The following AKAP13 variants were observed in gnomAD, a reference collection of about 807,000 sequenced individuals.
AKAP13 encodes A-kinase anchor protein 13.
In AKAP13, 80 loss-of-function variants were observed where a neutral mutation model predicts 264.5. The ratio of observed to expected loss-of-function variants is 0.30; its 90% CI spans 0.25 to 0.36. The LOEUF (loss-of-function observed/expected upper bound fraction) is 0.36. Among genes scored for constraint, AKAP13 ranks in the 10% least tolerant of loss-of-function variants. The pLI, the probability that AKAP13 is intolerant of heterozygous loss-of-function variation, is 1.00. For missense variants in AKAP13, 3,712 were observed against 3,435.2 expected (o/e 1.08, Z -2.01); for synonymous variants, 1,380 against 1,250.2 (o/e 1.10, Z -2.19).
At position 85,447,552 on chromosome 15, in the gene AKAP13, G is replaced by T. The variant is rs554479025; in HGVS notation, c.-11-38158G>T. Among the ~76,000 whole-genome samples, 74 of 151,690 alleles carry T rather than the reference G, an allele frequency of 4.9e-4. No individual in the cohort carries two copies. The East Asian group carries it at 0.013, about 27-fold the overall frequency. On this transcript the variant is annotated intron_variant, in intron 1 of 36. Transcript: ENST00000394518. ...CACCCCCAAATAGACCCCAGTGTCT[G>T]TTGTTTCCTTCTTTGTGTTAGTAAG...
At chr15:85,697,911 C>T (rs1451495636) in intron 17 of AKAP13, among the ~76,000 whole-genome samples, 1 of 152,140 alleles carries the variant, frequency 6.6e-6, no homozygotes. Context: ...AGTCAATCAA[C>T]AAAGTTCATT....
chr15:85,639,571 A>T, intron 9 of AKAP13, 122 bp downstream of exon 9: 1 of 744,116 alleles, frequency 1.3e-6, no homozygotes, highest in Admixed American at 2.4e-5. Context: ...GATGTATGTG[A>T]TCTGGGTTTG....
At position 85,743,781 on chromosome 15, in the gene AKAP13, A is replaced by AG. The variant is rs770184607; in HGVS notation, c.8350dup (p.Glu2784GlyfsTer15). The AG allele has an allele frequency of 6.2e-7, 1 of 1,612,798 alleles. No individual in the cohort carries two copies. Among genetic ancestry groups the AG allele is most frequent in the South Asian group, 1.1e-5 (1 of 91,022 alleles). On this transcript the variant is annotated frameshift_variant, in exon 36 of 37. Transcript: ENST00000394518. LOFTEE classifies it high-confidence loss of function. ...GGGTTAACAAAGCCAAAGGAAAAGAAGGAGAAAAAAAAGAAGAACAAAACC... is the reference window on the plus strand; with the variant it reads ...GGGTTAACAAAGCCAAAGGAAAAGAAGGGAGAAAAAAAAGAAGAACAAAACC...
intron 12 of AKAP13, among the ~76,000 whole-genome samples, chr15:85,659,349 C>A (rs2083234965): frequency 6.6e-6 from 1 of 152,100 alleles, no homozygotes; most frequent in African/African-American, 2.4e-5. Flanking sequence ...TCTCAGGAGG[C>A]ATTTGTAAAG....
At chr15:85,425,752 A>ACTTAATTATC (rs1375380819) in intron 1 of AKAP13, among the ~76,000 whole-genome samples, 18 of 150,752 alleles carry the variant, frequency 1.2e-4, no homozygotes, top group Admixed American at 1.1e-3. Flanking sequence ...CTCAGTTAGG[A>ACTTAATTATC]CTTAATTATC....
chr15:85,459,757 C>T (rs1187075876), intron 1 of AKAP13, among the ~76,000 whole-genome samples: 1 of 152,164 alleles, frequency 6.6e-6, no homozygotes, highest in Non-Finnish European at 1.5e-5. Flanking sequence ...CCTCAGCCTC[C>T]CAAAGTGCTG....
chr15:85,582,270 A>T (rs753709407), intron 7 of AKAP13, among the ~76,000 whole-genome samples, 163 bp downstream of exon 7: 1 of 152,152 alleles, frequency 6.6e-6, no homozygotes, highest in African/African-American at 2.4e-5. Flanking sequence ...GGGGCACGTC[A>T]TCTCAGGGTT....
chr15:85,492,303 G>GC (rs2075752918), intron 2 of AKAP13, among the ~76,000 whole-genome samples: 1 of 152,192 alleles, frequency 6.6e-6, no homozygotes, highest in African/African-American at 2.4e-5. Context: ...GATCGCTTGA[G>GC]CCCACGAGTT....
At chr15:85,550,338 C>T (rs1244263428) in intron 5 of AKAP13, among the ~76,000 whole-genome samples, 1 of 152,184 alleles carries the variant, frequency 6.6e-6, no homozygotes, top group Non-Finnish European at 1.5e-5. Context: ...ATTGAGGGGA[C>T]ACATGTGAAT....
intron 5 of AKAP13, among the ~76,000 whole-genome samples, chr15:85,559,673 C>T (rs919915076): frequency 7.7e-6 from 1 of 129,322 alleles, no homozygotes; most frequent in African/African-American, 2.9e-5. Flanking sequence ...CGATAGGGTT[C>T]ACGCTCCTGT....
At chr15:85,635,402 A>G (rs946656138) in intron 8 of AKAP13, among the ~76,000 whole-genome samples, 1 of 152,170 alleles carries the variant, frequency 6.6e-6, no homozygotes, top group Non-Finnish European at 1.5e-5. Context: ...CCATTTAAAA[A>G]ATCATGTTGC....
intron 5 of AKAP13, among the ~76,000 whole-genome samples, chr15:85,564,055 C>G (rs2078515011): frequency 6.6e-6 from 1 of 152,132 alleles, no homozygotes; most frequent in Non-Finnish European, 1.5e-5. Flanking sequence ...AATACTACCA[C>G]TTTGAAGGAC....
chr15:85,695,328 T>G (rs28502344), intron 17 of AKAP13, among the ~76,000 whole-genome samples: 33,546 of 152,038 alleles, frequency 0.22, 3,845 homozygotes, highest in East Asian at 0.35. Context: ...TGCTTGAACT[T>G]GGGAAGGGGA....
intron 26 of AKAP13, 62 bp from the exon 27 acceptor site, chr15:85,726,348 A>G: frequency 7.1e-7 from 1 of 1,405,704 alleles, no homozygotes; most frequent in East Asian, 2.3e-5. Context: ...AAACCTTCTG[A>G]CTGTGGGTAA....
At chr15:85,526,509 G>A (rs987231215) in intron 3 of AKAP13, among the ~76,000 whole-genome samples, 2 of 152,128 alleles carry the variant, frequency 1.3e-5, no homozygotes, top group East Asian at 1.9e-4. Flanking sequence ...TGGTCTAAGT[G>A]ATCCTTCTGC....
chr15:85,610,664 T>C (rs1273013360), intron 8 of AKAP13, among the ~76,000 whole-genome samples: 1 of 152,248 alleles, frequency 6.6e-6, no homozygotes, highest in African/African-American at 2.4e-5. Flanking sequence ...GAGAAAACTC[T>C]GAAGAGTTAG....
chr15:85,404,604 T>G (rs1465680809), intron 1 of AKAP13, among the ~76,000 whole-genome samples: 2 of 152,234 alleles, frequency 1.3e-5, no homozygotes, highest in African/African-American at 4.8e-5. Flanking sequence ...TAAACCCTGC[T>G]TCATTCTCAC....
rs147258396 is a variant in AKAP13, at chr15:85,746,719, G to C, written c.*2042G>C. ...ACTCCAAGTTACAGCTGAATCTGTC[G>C]TGACTTTCCTGAGATCTACCCGGGG... is the stretch of plus-strand genomic sequence containing the variant. On this transcript the variant is annotated 3_prime_UTR_variant, in exon 37 of 37. Transcript: ENST00000394518. 6 of 151,676 alleles carry C rather than the reference G, an allele frequency of 4.0e-5. No individual in the cohort carries two copies. The highest frequency in any genetic ancestry group is 1.5e-4 in the African/African-American group (6 of 41,274). 9.4% of individuals were successfully genotyped at this position (151,676 alleles called of 1,614,324 possible). A position where few individuals can be genotyped will look rare whatever the true frequency, so the allele number is the denominator to read the frequency against.
intron 8 of AKAP13, among the ~76,000 whole-genome samples, chr15:85,635,812 A>G (rs190437531): frequency 5.3e-5 from 8 of 152,232 alleles, no homozygotes; most frequent in African/African-American, 7.2e-5. Flanking sequence ...TTATAGCATC[A>G]TTTGTTCATA....
Sources: allele counts gnomAD v4.1 joint callset (sites outside exome capture counted in the v4.1 genomes callset), GRCh38; gene constraint gnomAD v4.1.1; transcripts MANE v1.5; gene names NCBI Gene and HGNC (gene_info 2026-07-23, HGNC 2026-07-21).